The following CD2AP variants were observed in gnomAD, a reference collection of about 807,000 sequenced individuals.
CD2AP encodes CD2 associated protein.
A neutral mutation model predicts 85.1 loss-of-function variants in CD2AP; 46 were observed. The ratio of observed to expected loss-of-function variants is 0.54; its 90% CI spans 0.43 to 0.69. The LOEUF is 0.69. Ranked by LOEUF, CD2AP falls within the 30% of genes least tolerant of loss-of-function variation. CD2AP has a pLI of 0.00. For synonymous variants in CD2AP, 255 were observed against 252.9 expected, an observed-to-expected ratio of 1.01 and a Z score of -0.08; for missense variants, 769 against 729.5, an observed-to-expected ratio of 1.05 and a Z score of -0.62.
At chr6:47,522,723 T>A (rs1486309309) in intron 2 of CD2AP, among the ~76,000 whole-genome samples, 3 of 152,088 alleles carry the variant, frequency 2.0e-5, no homozygotes, top group African/African-American at 4.8e-5. Flanking sequence ...TTTTTTCTCT[T>A]CGTTTAGAAT....
At chr6:47,583,434 C>T (rs2114110560) in intron 11 of CD2AP, among the ~76,000 whole-genome samples, 1 of 152,272 alleles carries the variant, frequency 6.6e-6, no homozygotes, top group Non-Finnish European at 1.5e-5. Flanking sequence ...TCTGTCCTTC[C>T]CTTCAACCCT....
intron 14 of CD2AP, 74 bp downstream of exon 14, chr6:47,606,351 T>C (rs543044145): frequency 9.2e-6 from 8 of 867,222 alleles, no homozygotes; most frequent in South Asian, 6.7e-5. Flanking sequence ...AGAGGACTTA[T>C]AGCTCTACCT....
At chr6:47,554,878 T>C in intron 5 of CD2AP, 112 bp downstream of exon 5, 2 of 1,099,274 alleles carry the variant, frequency 1.8e-6, no homozygotes, top group East Asian at 2.6e-5. Context: ...TTGAGTCAGC[T>C]TCAATTAGTC....
At chr6:47,569,279 A>AT (rs1768084647) in intron 5 of CD2AP, among the ~76,000 whole-genome samples, 1 of 152,168 alleles carries the variant, frequency 6.6e-6, no homozygotes. Context: ...GCACAATAGA[A>AT]TTTATCCAGA....
chr6:47,558,187 A>G (rs1159570536), intron 5 of CD2AP, among the ~76,000 whole-genome samples: 1 of 152,174 alleles, frequency 6.6e-6, no homozygotes, highest in Non-Finnish European at 1.5e-5. Context: ...GTATCCTGAG[A>G]CTTTGCTGAA....
intron 1 of CD2AP, among the ~76,000 whole-genome samples, chr6:47,490,723 G>A (rs1427676537): frequency 6.6e-6 from 1 of 151,960 alleles, no homozygotes; most frequent in African/African-American, 2.4e-5. Flanking sequence ...GTAACATTAG[G>A]AAGAATATAA....
intron 9 of CD2AP, among the ~76,000 whole-genome samples, chr6:47,580,477 A>C (rs1038438845): frequency 2.8e-5 from 4 of 143,850 alleles, no homozygotes; most frequent in African/African-American, 5.1e-5. Context: ...AAAAAAAAAA[A>C]CGGTCTCTCC....
intron 5 of CD2AP, among the ~76,000 whole-genome samples, chr6:47,570,132 A>T (rs1465335713): frequency 1.4e-5 from 2 of 146,926 alleles, no homozygotes; most frequent in African/African-American, 2.5e-5. Flanking sequence ...TTTTATTTTC[A>T]TCAGATTTCT....
intron 17 of CD2AP, among the ~76,000 whole-genome samples, chr6:47,617,891 C>T (rs912416714): frequency 2.0e-5 from 3 of 152,124 alleles, no homozygotes; most frequent in Admixed American, 6.5e-5. Context: ...TTGATAAGTC[C>T]GAATTTTTAT....
intron 5 of CD2AP, among the ~76,000 whole-genome samples, chr6:47,569,183 GA>G (rs1768081642): frequency 6.6e-6 from 1 of 152,080 alleles, no homozygotes. Flanking sequence ...TCTTAAAAAG[GA>G]AAAGTGTTGA....
rs991774292 is a variant in CD2AP, at chr6:47,529,193, C to A, written c.166-4409C>A. On this transcript the variant is annotated intron_variant, in intron 2 of 17. Coordinates refer to ENST00000359314, the MANE Select transcript of CD2AP (RefSeq NM_012120.3). Reference sequence around the variant, plus strand: ...TTTAACTCTAGTACTGCCCCCCCCCCCCCCCCCAACTTATTGCACTATGGC... The same window carrying A: ...TTTAACTCTAGTACTGCCCCCCCCCACCCCCCCAACTTATTGCACTATGGC... Among the ~76,000 whole-genome samples, 7 of 116,988 alleles carry A rather than the reference C, an allele frequency of 6.0e-5. 1 individual carries two copies. The highest frequency in any genetic ancestry group is 2.1e-4 in the African/African-American group (6 of 28,940). The allele number at this position is 116,988 out of a possible 152,430, so 76.7% of individuals were successfully genotyped here.
At chr6:47,605,679 ACAAAT>A (rs1253135056) in intron 13 of CD2AP, among the ~76,000 whole-genome samples, 3 of 152,064 alleles carry the variant, frequency 2.0e-5, no homozygotes, top group Non-Finnish European at 4.4e-5. Context: ...ATTGAGAAAC[ACAAAT>A]CAAAAGTGGC....
At chr6:47,618,166 A>G (rs533353200) in intron 17 of CD2AP, among the ~76,000 whole-genome samples, 17 of 152,196 alleles carry the variant, frequency 1.1e-4, no homozygotes, top group Non-Finnish European at 2.2e-4. Context: ...TAAAAAATAT[A>G]AAAATTAGCT....
At position 47,574,069 on chromosome 6, in the gene CD2AP, G is replaced by A. The variant is rs1454752506; in HGVS notation, c.547G>A (p.Val183Ile). 5.6e-6 allele frequency: 9 copies of A among 1,613,762 alleles called. No homozygotes were observed. The Admixed American group carries it at 1.5e-4, about 27-fold the overall frequency. Residue 183 changes from valine to isoleucine, a missense_variant, in exon 6 of 18, where the codon GTT (valine) becomes ATT (isoleucine). Transcript: ENST00000359314. ...THEAQDDSET[V>I]LAGPTSPIPS... is the part of the protein sequence containing the mutation. ...AAAACAAATTATTGTTTCAGAAACTGTTTTGGCTGGGCCTACTTCACCTAT... is the reference window on the plus strand; with the variant it reads ...AAAACAAATTATTGTTTCAGAAACTATTTTGGCTGGGCCTACTTCACCTAT...
intron 13 of CD2AP, among the ~76,000 whole-genome samples, chr6:47,603,499 G>A (rs576957152): frequency 1.4e-3 from 207 of 152,110 alleles, no homozygotes; most frequent in African/African-American, 4.6e-3. Context: ...TTGGTGTTCA[G>A]TGAGTAATAA....
chr6:47,575,161 A>G (rs1203246631), intron 6 of CD2AP, among the ~76,000 whole-genome samples: 1 of 152,166 alleles, frequency 6.6e-6, no homozygotes, highest in African/African-American at 2.4e-5. Flanking sequence ...CTCTGAGACT[A>G]TCTGGCATTA....
At chr6:47,505,149 CGTTT>C (rs1766106537) in intron 2 of CD2AP, among the ~76,000 whole-genome samples, 2 of 132,676 alleles carry the variant, frequency 1.5e-5, no homozygotes, top group African/African-American at 2.8e-5. Context: ...ACAAAGGTCT[CGTTT>C]TCCTAGGCAG....
intron 12 of CD2AP, among the ~76,000 whole-genome samples, chr6:47,597,539 T>A (rs755587141): frequency 6.6e-6 from 1 of 150,830 alleles, no homozygotes; most frequent in Non-Finnish European, 1.5e-5. Context: ...TTGAACATCT[T>A]AGTGAATAGT....
In CD2AP at chr6:47,606,496, T is replaced by A. The variant is rs115612698; in HGVS notation, c.1530+219T>A. Among the ~76,000 whole-genome samples, 7,741 of 152,048 alleles carry A rather than the reference T, an allele frequency of 0.051. 285 individuals are homozygous for A. The highest frequency in any genetic ancestry group is 0.082 in the Non-Finnish European group (5,550 of 67,906). On this transcript the variant is annotated intron_variant, in intron 14 of 17. Coordinates refer to ENST00000359314, the MANE Select transcript of CD2AP (RefSeq NM_012120.3). ...TTACAGAATCAGAAGGAAATTATCA[T>A]GAGGCTATAGCCACAGAGCACAGGG...
Sources: allele counts gnomAD v4.1 joint callset (sites outside exome capture counted in the v4.1 genomes callset), GRCh38; gene constraint gnomAD v4.1.1; transcripts MANE v1.5; gene names NCBI Gene and HGNC (gene_info 2026-07-23, HGNC 2026-07-21).